RBFOX3: variants seen among roughly 807,000 people sequenced by gnomAD.
RBFOX3 encodes RNA binding protein fox-1 homolog 3.
Under a neutral mutation model 48.7 loss-of-function variants are expected in RBFOX3, and 17 were observed. The ratio of observed to expected loss-of-function variants is 0.35; its 90% CI spans 0.24 to 0.52. The LOEUF (loss-of-function observed/expected upper bound fraction) is 0.52. RBFOX3 is among the 20% of genes least tolerant of loss of function. The pLI, the probability that RBFOX3 is intolerant of heterozygous loss-of-function variation, is 0.94. For synonymous variants in RBFOX3, 212 were observed against 209.5 expected (o/e 1.01, Z -0.10); for missense variants, 382 against 497.5 (o/e 0.77, Z 2.21).
the RBFOX3 span, among the ~76,000 whole-genome samples, chr17:79,626,736 C>A: frequency 6.6e-6 from 1 of 152,194 alleles, no homozygotes; most frequent in Non-Finnish European, 1.5e-5. Flanking sequence ...GTTTGCAATG[C>A]GGTGAATTGT....
chr17:79,592,249 G>A (rs1428983493), intron 1 of RBFOX3, among the ~76,000 whole-genome samples: 5 of 136,940 alleles, frequency 3.7e-5, no homozygotes, highest in African/African-American at 1.4e-4. Flanking sequence ...GTCTGTGGAT[G>A]CATATATGCA....
At chr17:79,139,465 T>C (rs756408823) in intron 4 of RBFOX3, among the ~76,000 whole-genome samples, 1 of 152,260 alleles carries the variant, frequency 6.6e-6, no homozygotes, top group Non-Finnish European at 1.5e-5. Flanking sequence ...AAGGACGATT[T>C]ACACCTTCTC....
At chr17:79,599,213 G>A (rs2093644205) in intron 1 of RBFOX3, 1 of 152,190 alleles carries the variant, frequency 6.6e-6, no homozygotes, top group Admixed American at 6.5e-5. Flanking sequence ...ATACTAATAT[G>A]CTGGCCAGCA....
At chr17:79,381,608 C>T (rs1376802777) in intron 2 of RBFOX3, among the ~76,000 whole-genome samples, 3 of 152,140 alleles carry the variant, frequency 2.0e-5, no homozygotes, top group Admixed American at 6.5e-5. Flanking sequence ...TCCAGCTGTG[C>T]GGAACAGGCA....
intron 4 of RBFOX3, among the ~76,000 whole-genome samples, chr17:79,217,566 T>C (rs1364406621): frequency 2.0e-5 from 3 of 151,472 alleles, no homozygotes; most frequent in Admixed American, 1.3e-4. Context: ...AGAGGGGAGA[T>C]GGAGGGGTGA....
At chr17:79,292,948 G>A (rs1011465094) in intron 3 of RBFOX3, among the ~76,000 whole-genome samples, 1 of 152,130 alleles carries the variant, frequency 6.6e-6, no homozygotes, top group East Asian at 1.9e-4. Context: ...TTGGTTTTAT[G>A]GGGTTTTTAT....
At chr17:79,613,409 G>A (rs1029445413), upstream of RBFOX3, among the ~76,000 whole-genome samples, 9 of 152,228 alleles carry the variant, frequency 5.9e-5, no homozygotes, top group African/African-American at 1.4e-4. Flanking sequence ...GGATCTGGCC[G>A]GAAGAGAGTA....
chr17:79,587,014 T>C (rs1347180859), intron 1 of RBFOX3, among the ~76,000 whole-genome samples: 1 of 152,226 alleles, frequency 6.6e-6, no homozygotes, highest in Non-Finnish European at 1.5e-5. Flanking sequence ...AAAATAGATT[T>C]GCTGCTACAG....
intron 1 of RBFOX3, among the ~76,000 whole-genome samples, chr17:79,487,675 G>A (rs1282131778): frequency 2.0e-5 from 3 of 152,104 alleles, no homozygotes; most frequent in Non-Finnish European, 2.9e-5. Context: ...ACTTTGGGAC[G>A]CTGAGGTGGG....
intron 3 of RBFOX3, among the ~76,000 whole-genome samples, chr17:79,250,509 C>T (rs573621105): frequency 3.9e-5 from 6 of 152,242 alleles, no homozygotes; most frequent in Admixed American, 1.3e-4. Flanking sequence ...TTAAATGAGC[C>T]GATCACTCGG....
At chr17:79,440,668 G>A (rs1555734302) in intron 2 of RBFOX3, among the ~76,000 whole-genome samples, 1 of 152,122 alleles carries the variant, frequency 6.6e-6, no homozygotes, top group Non-Finnish European at 1.5e-5. Context: ...CACCCCAACT[G>A]TGAGAAAGCC....
chr17:79,328,178 T>C (rs2146246117), intron 2 of RBFOX3, among the ~76,000 whole-genome samples: 1 of 152,338 alleles, frequency 6.6e-6, no homozygotes, highest in Non-Finnish European at 1.5e-5. Context: ...CATACTATTC[T>C]GTGTGTCTGG....
chr17:79,156,312 C>T (rs1293753039), intron 4 of RBFOX3, among the ~76,000 whole-genome samples: 2 of 152,194 alleles, frequency 1.3e-5, no homozygotes, highest in Non-Finnish European at 2.9e-5. Flanking sequence ...TCTTCATCCA[C>T]CCAGGCACCA....
At chr17:79,262,591 G>C (rs574586819) in intron 3 of RBFOX3, among the ~76,000 whole-genome samples, 1 of 152,360 alleles carries the variant, frequency 6.6e-6, no homozygotes, top group African/African-American at 2.4e-5. Context: ...GTCTCAAGAG[G>C]TGGAGGGAGG....
At chr17:79,655,250 G>A in the RBFOX3 span, among the ~76,000 whole-genome samples, 4 of 152,156 alleles carry the variant, frequency 2.6e-5, no homozygotes, top group Non-Finnish European at 5.9e-5. Flanking sequence ...GGGAAAAAGC[G>A]GGAGACAGGG....
rs573685414 is a variant in RBFOX3 at position 79,290,922 on chromosome 17, G to A, written c.-74+16802C>T. Among the ~76,000 whole-genome samples, 186 of 152,308 alleles carry A rather than the reference G, an allele frequency of 1.2e-3. 5 individuals carry two copies. The highest frequency in any genetic ancestry group is 1.3e-3 in the Non-Finnish European group (86 of 68,028). On this transcript the variant is annotated intron_variant, in intron 3 of 14. Coordinates refer to ENST00000693108, the MANE Select transcript of RBFOX3 (RefSeq NM_001350451.2). Reference sequence around the variant, plus strand: ...TGCTTGGATTGGAATCTGCTGGGGCGAGGGGCAGCTGCAGCAGGCAGCTCA... The same window carrying A: ...TGCTTGGATTGGAATCTGCTGGGGCAAGGGGCAGCTGCAGCAGGCAGCTCA...
chr17:79,149,777 G>T (rs964988143), intron 4 of RBFOX3, among the ~76,000 whole-genome samples: 8 of 151,382 alleles, frequency 5.3e-5, no homozygotes, highest in African/African-American at 1.7e-4. Context: ...GACAGGGCAG[G>T]GCGGCTGCTG....
chr17:79,629,829 C>T, the RBFOX3 span, among the ~76,000 whole-genome samples: 2 of 152,166 alleles, frequency 1.3e-5, no homozygotes, highest in South Asian at 2.1e-4. Flanking sequence ...ATATTGAATG[C>T]CATTGCAAAG....
chr17:79,189,841 T>C (rs2054112202), intron 4 of RBFOX3, among the ~76,000 whole-genome samples: 1 of 152,194 alleles, frequency 6.6e-6, no homozygotes, highest in African/African-American at 2.4e-5. Flanking sequence ...AAGTTGTATA[T>C]TTGCTTGGAG....
Sources: allele counts gnomAD v4.1 joint callset (sites outside exome capture counted in the v4.1 genomes callset), GRCh38; gene constraint gnomAD v4.1.1; transcripts MANE v1.5; gene names NCBI Gene and HGNC (gene_info 2026-07-23, HGNC 2026-07-21).